TCERG1L: variants seen among roughly 807,000 people sequenced by gnomAD.
TCERG1L encodes the protein transcription elongation regulator 1 like.
TCERG1L carries 37 observed loss-of-function variants against 56.3 expected under a neutral mutation model. The observed-to-expected ratio is 0.66, with a 90% confidence interval of 0.51 to 0.87. TCERG1L has a LOEUF of 0.87. Among genes scored for constraint, TCERG1L ranks in the 40% least tolerant of loss-of-function variants. The pLI, the probability that TCERG1L is intolerant of heterozygous loss-of-function variation, is 0.00. For missense variants in TCERG1L, 799 were observed against 774.2 expected (o/e 1.03, Z -0.38); for synonymous variants, 324 against 326.3 (o/e 0.99, Z 0.08).
intron 4 of TCERG1L, among the ~76,000 whole-genome samples, chr10:131,235,772 A>T (rs1845906279): frequency 6.6e-6 from 1 of 152,196 alleles, no homozygotes; most frequent in Non-Finnish European, 1.5e-5. Flanking sequence ...GGGCCACCAA[A>T]GGCAGACAGT....
rs141927291 is a variant in TCERG1L at position 131,267,080 on chromosome 10, C to T, written c.671-6636G>A. 7.3e-3 allele frequency among the ~76,000 whole-genome samples: 1,110 copies of T among 152,222 alleles called. 13 individuals carry two copies. The highest frequency in any genetic ancestry group is 0.026 in the African/African-American group (1,062 of 41,526). On this transcript the variant is annotated intron_variant, in intron 3 of 11. Transcript: ENST00000368642. The surrounding 1 kb of genome is among the most constrained non-coding windows in gnomAD (Gnocchi z 4.9). ...CTCATCTGGAACCCACTCCTTCACA[C>T]CCAGGAGCCCGTCTGCCTCCTGCCA... is the stretch of plus-strand genomic sequence containing the variant.
chr10:131,171,113 C>T (rs1280987993), intron 4 of TCERG1L, among the ~76,000 whole-genome samples: 1 of 151,282 alleles, frequency 6.6e-6, no homozygotes, highest in Non-Finnish European at 1.5e-5. Context: ...CCACTGCATT[C>T]CAGCCTGGGT....
At chr10:131,151,392 A>G (rs1315135791) in intron 6 of TCERG1L, among the ~76,000 whole-genome samples, 1 of 137,192 alleles carries the variant, frequency 7.3e-6, no homozygotes, top group African/African-American at 2.6e-5. Context: ...CAAAGAGGCT[A>G]TAGGCCCCAT....
chr10:131,279,327 G>A lies in TCERG1L; in HGVS notation c.671-18883C>T, dbSNP rs536532230. ...GGAAAAGGCCTGGGCAGGCAGGTGG[G>A]CAGGAGTGTAAGACGCTCAGTGCCA... On this transcript the variant is annotated intron_variant, in intron 3 of 11. Transcript: ENST00000368642. 1.1e-4 allele frequency among the ~76,000 whole-genome samples: 17 copies of A among 152,324 alleles called. 1 individual carries two copies. The highest frequency in any genetic ancestry group is 9.1e-4 in the Admixed American group (14 of 15,304).
chr10:131,259,737 C>T (rs1434025181), intron 4 of TCERG1L, among the ~76,000 whole-genome samples: 4 of 152,226 alleles, frequency 2.6e-5, no homozygotes, highest in South Asian at 2.1e-4. Flanking sequence ...GCCTTTGTGG[C>T]GGCCCAAGCC....
At chr10:131,150,835 G>A (rs577879265) in intron 6 of TCERG1L, among the ~76,000 whole-genome samples, 2 of 152,264 alleles carry the variant, frequency 1.3e-5, no homozygotes, top group African/African-American at 4.8e-5. Context: ...AAGAAAAGAG[G>A]TTTAATTGAC....
At chr10:131,228,783 T>G (rs866509975) in intron 4 of TCERG1L, among the ~76,000 whole-genome samples, 20 of 77,270 alleles carry the variant, frequency 2.6e-4, no homozygotes, top group Non-Finnish European at 3.5e-4. Flanking sequence ...GTCTCCGGAG[T>G]CTCCCCTCCA....
intron 4 of TCERG1L, among the ~76,000 whole-genome samples, chr10:131,237,260 T>A (rs1171881005): frequency 6.6e-6 from 1 of 152,124 alleles, no homozygotes. Flanking sequence ...ATGGAGACCC[T>A]GAGTGCCAGC....
At position 131,116,725 on chromosome 10, in the gene TCERG1L, G is replaced by C. The variant is rs559467071; in HGVS notation, c.1395+74C>G. 5 of 1,530,998 alleles carry C rather than the reference G, an allele frequency of 3.3e-6. No individual in the cohort carries two copies. In the African/African-American group the frequency reaches 6.8e-5, roughly 21 times the overall value. The allele number at this position is 1,530,998 out of a possible 1,614,324, so 94.8% of individuals were successfully genotyped here. On this transcript the variant is annotated intron_variant, in intron 9 of 11. Transcript: ENST00000368642. ...AACTCAGTGAGGAGGCGACCCTCAG[G>C]CAGGGACGGCCACTCAGCTGCTGTT...
chr10:131,170,848 CTT>C (rs1163329416), intron 4 of TCERG1L, among the ~76,000 whole-genome samples: 1 of 152,104 alleles, frequency 6.6e-6, no homozygotes, highest in African/African-American at 2.4e-5. Context: ...CAAAATATCT[CTT>C]TAAGAAAAGT....
At chr10:131,143,669 AAACGCGGGC>A (rs1269130178) in intron 7 of TCERG1L, among the ~76,000 whole-genome samples, 3 of 152,192 alleles carry the variant, frequency 2.0e-5, no homozygotes, top group Non-Finnish European at 4.4e-5. Flanking sequence ...CAGGCCTGGG[AAACGCGGGC>A]ACGGGTGGGA....
At chr10:131,145,463 C>A (rs1477042167) in intron 7 of TCERG1L, among the ~76,000 whole-genome samples, 1 of 152,206 alleles carries the variant, frequency 6.6e-6, no homozygotes, top group Non-Finnish European at 1.5e-5. Flanking sequence ...TTGATCCAGT[C>A]TCTGGATAAT....
At chr10:131,115,416 A>G (rs1469276507) in intron 9 of TCERG1L, among the ~76,000 whole-genome samples, 1 of 152,272 alleles carries the variant, frequency 6.6e-6, no homozygotes, top group East Asian at 1.9e-4. Context: ...TTGTTTTCAA[A>G]CAAAATTTGA....
chr10:131,272,838 G>A (rs753024623), intron 3 of TCERG1L, among the ~76,000 whole-genome samples: 3 of 152,196 alleles, frequency 2.0e-5, no homozygotes, highest in Non-Finnish European at 2.9e-5. Context: ...AGCTTCCACG[G>A]GACCTAGAGG....
intron 3 of TCERG1L, among the ~76,000 whole-genome samples, chr10:131,295,737 T>C (rs565414961): frequency 2.7e-4 from 41 of 152,328 alleles, no homozygotes; most frequent in African/African-American, 9.1e-4. Flanking sequence ...AAACATTCAA[T>C]ATTCCAATAA....
intron 4 of TCERG1L, among the ~76,000 whole-genome samples, chr10:131,223,158 C>T (rs544669734): frequency 7.2e-5 from 11 of 152,342 alleles, no homozygotes; most frequent in African/African-American, 2.6e-4. Context: ...GGCACTTCCT[C>T]GCGCCAGGAG....
intron 3 of TCERG1L, among the ~76,000 whole-genome samples, chr10:131,273,561 C>A (rs553711492): frequency 6.6e-6 from 1 of 152,342 alleles, no homozygotes; most frequent in East Asian, 1.9e-4. Flanking sequence ...GGGGGCTGAC[C>A]CCAATGGTGG....
chr10:131,285,506 A>AT (rs1846520084), intron 3 of TCERG1L, among the ~76,000 whole-genome samples: 1 of 26,294 alleles, frequency 3.8e-5, no homozygotes, highest in Admixed American at 5.2e-4. Flanking sequence ...GAAAGAAAGA[A>AT]AGAAAGAAAG....
intron 4 of TCERG1L, among the ~76,000 whole-genome samples, chr10:131,225,120 G>A (rs932957480): frequency 1.3e-5 from 2 of 152,156 alleles, no homozygotes; most frequent in Admixed American, 6.5e-5. Flanking sequence ...CCAGTAGTCC[G>A]ACTCACTCCC....
Sources: gnomAD v4.1 joint callset for allele counts (sites outside exome capture counted in the v4.1 genomes callset) on GRCh38, gnomAD v4.1.1 for gene constraint, Gnocchi (gnomAD v3.1) non-coding constraint, MANE v1.5 for transcripts, NCBI Gene and HGNC (gene_info 2026-07-23, HGNC 2026-07-21) for gene names.